KIF4A: variants seen among roughly 807,000 people sequenced by gnomAD.
KIF4A encodes the protein kinesin family member 4A, also known as chromosome-associated kinesin KIF4A.
In KIF4A, 7 loss-of-function variants were observed where a neutral mutation model predicts 105.9. That is an observed-to-expected ratio of 0.07 (90% CI 0.04 to 0.12). The LOEUF (loss-of-function observed/expected upper bound fraction) is 0.12. Among genes scored for constraint, KIF4A ranks in the 10% least tolerant of loss-of-function variants. The pLI is 1.00. For synonymous variants in KIF4A, 281 were observed against 331.3 expected, an observed-to-expected ratio of 0.85 and a Z score of 1.65; for missense variants, 558 against 929.2, an observed-to-expected ratio of 0.60 and a Z score of 5.19.
chrX:70,320,733 C>G (rs1297507387), intron 7 of KIF4A, among the ~76,000 whole-genome samples: 2 of 111,407 alleles, frequency 1.8e-5, no homozygotes, highest in Non-Finnish European at 3.8e-5. Flanking sequence ...TATAAACATA[C>G]AGTTAGATGG....
intron 12 of KIF4A, 27 bp downstream of exon 12, chrX:70,343,788 G>T: frequency 8.4e-7 from 1 of 1,194,811 alleles, no homozygotes; most frequent in Non-Finnish European, 1.1e-6. Flanking sequence ...ATATTTGTTA[G>T]CAACCTATAG....
intron 15 of KIF4A, among the ~76,000 whole-genome samples, chrX:70,362,689 G>C (rs1275567763): frequency 5.5e-5 from 6 of 109,306 alleles, no homozygotes; most frequent in Non-Finnish European, 7.6e-5. Context: ...GTGCCACCAT[G>C]CCTGGCTAAT....
intron 4 of KIF4A, 42 bp from the exon 5 acceptor site, chrX:70,299,071 G>A (rs765735669): frequency 1.8e-6 from 2 of 1,087,437 alleles, no homozygotes; most frequent in South Asian, 2.0e-5. Flanking sequence ...GATTACCACT[G>A]TTAACATCTT....
At chrX:70,324,396 A>G (rs915644608) in intron 7 of KIF4A, among the ~76,000 whole-genome samples, 2 of 112,385 alleles carry the variant, frequency 1.8e-5, no homozygotes, top group African/African-American at 6.5e-5. Context: ...TAGGTATTCT[A>G]TAACTGTTGT....
At chrX:70,382,530 T>G (rs1430495597) in intron 18 of KIF4A, among the ~76,000 whole-genome samples, 1 of 112,350 alleles carries the variant, frequency 8.9e-6, no homozygotes, top group Non-Finnish European at 1.9e-5. Context: ...AAAACATAGG[T>G]GTTAATCTTT....
intron 20 of KIF4A, among the ~76,000 whole-genome samples, chrX:70,388,946 C>T (rs989137181): frequency 3.6e-5 from 4 of 112,152 alleles, no homozygotes; most frequent in African/African-American, 1.3e-4. Flanking sequence ...AAACAGTTTT[C>T]ATATCTTGCT....
Position 70,301,936 on chromosome X carries a change from T to C in KIF4A, c.553T>C (p.Leu185=). ...GLTEKTVLVA[L]DTVSCLEQGN... ...CACTGAGAAGACTGTTTTGGTTGCC[T>C]TGGATACTGTTTCCTGTTTGGAACA... The change falls in exon 6 of 31, where the codon TTG becomes CTG. Residue 185 remains leucine (L), a synonymous_variant. Coordinates refer to ENST00000374403, the MANE Select transcript of KIF4A (RefSeq NM_012310.5). 1 of 1,211,570 alleles carries C rather than the reference T, an allele frequency of 8.3e-7. No homozygotes were observed. The highest frequency in any genetic ancestry group is 1.1e-6 in the Non-Finnish European group (1 of 895,280).
rs758924719 is a variant in KIF4A, at chrX:70,420,457, A to G, written c.*192A>G. 160 of 555,119 alleles carry G rather than the reference A, an allele frequency of 2.9e-4. No individual in the cohort carries two copies. The highest frequency in any genetic ancestry group is 2.3e-3 in the Middle Eastern group (4 of 1,721). 45.7% of individuals were successfully genotyped at this position (555,119 alleles called of 1,213,427 possible). A position where few individuals can be genotyped will look rare whatever the true frequency, so the allele number is the denominator to read the frequency against. ...GCCTCCAGGTCCAGACTACTACTCT[A>G]TGTTCTCCAGAAGGGTGCTAAGTCA... On this transcript the variant is annotated 3_prime_UTR_variant, in exon 31 of 31. Coordinates refer to ENST00000374403, the MANE Select transcript of KIF4A (RefSeq NM_012310.5).
At chrX:70,372,132 C>CG (rs1555951438) in intron 15 of KIF4A, among the ~76,000 whole-genome samples, 2 of 101,682 alleles carry the variant, frequency 2.0e-5, no homozygotes, top group Non-Finnish European at 4.0e-5. Context: ...GGATGGCGGC[C>CG]GGCAGAGACG....
Position 70,395,705 on chromosome X carries a change from G to C in KIF4A, c.2267G>C (p.Ser756Thr), listed in dbSNP as rs1246538902. 1 of 1,209,651 alleles carries C rather than the reference G, an allele frequency of 8.3e-7. No homozygotes were observed. The highest frequency in any genetic ancestry group is 1.1e-6 in the Non-Finnish European group (1 of 895,241). ...WLGNEIEVMVSTEEAKRHLND... is the reference protein window; with the variant it reads ...WLGNEIEVMVTTEEAKRHLND... ...GGAAACGAAATTGAGGTTATGGTCA[G>C]TACTGAGGAAGCCAAACGCCATCTG... The change falls in exon 21 of 31, where the codon AGT becomes ACT. Residue 756 changes from serine (S) to threonine (T), a missense_variant. By Grantham distance (58) the Ser-to-Thr change is moderately conservative. Coordinates refer to ENST00000374403, the MANE Select transcript of KIF4A (RefSeq NM_012310.5).
chrX:70,303,883 G>T (rs2085814121), intron 7 of KIF4A, among the ~76,000 whole-genome samples: 1 of 107,871 alleles, frequency 9.3e-6, no homozygotes, highest in Non-Finnish European at 1.9e-5. Flanking sequence ...CCCTTTCCCT[G>T]GCCCTAGGCA....
At chrX:70,307,562 G>A (rs2085832360) in intron 7 of KIF4A, among the ~76,000 whole-genome samples, 1 of 111,971 alleles carries the variant, frequency 8.9e-6, no homozygotes, top group African/African-American at 3.2e-5. Context: ...TTCAGTCTTT[G>A]TTCTTCATAG....
chrX:70,383,090 G>A (rs2147727363), intron 18 of KIF4A, among the ~76,000 whole-genome samples: 1 of 109,633 alleles, frequency 9.1e-6, no homozygotes, highest in South Asian at 4.0e-4. Context: ...GGGAGGCTGA[G>A]GTAGAAGAAT....
chrX:70,392,918 T>C (rs2086243251), intron 20 of KIF4A, among the ~76,000 whole-genome samples: 1 of 106,752 alleles, frequency 9.4e-6, no homozygotes, highest in African/African-American at 3.4e-5. Context: ...TGGAGTGCAG[T>C]GGCGTGATCT....
chrX:70,294,356 T>G (rs1310082664), intron 3 of KIF4A, among the ~76,000 whole-genome samples: 3 of 112,278 alleles, frequency 2.7e-5, no homozygotes, highest in Non-Finnish European at 5.6e-5. Flanking sequence ...ACAGTTAACT[T>G]TATTTATCAT....
rs143220541 is a variant in KIF4A at position 70,398,043 on chromosome X, A to G, written c.2489+1994A>G. Among the ~76,000 whole-genome samples the G allele has an allele frequency of 1.9e-3, 215 of 111,685 alleles. 5 individuals carry two copies. In the East Asian group the frequency reaches 0.047, roughly 25 times the overall value. ...TTGTTTGTTTGTTTGTTTTTGTTTT[A>G]TGTTTGTTTGTTTTGAGACAAAGTC... is the stretch of plus-strand genomic sequence containing the variant. On this transcript the variant is annotated intron_variant, in intron 22 of 30. Transcript: ENST00000374403.
intron 18 of KIF4A, among the ~76,000 whole-genome samples, chrX:70,378,115 A>G (rs896349285): frequency 5.3e-5 from 6 of 112,363 alleles, no homozygotes; most frequent in Non-Finnish European, 9.4e-5. Flanking sequence ...TGAGATTAAT[A>G]AAAACAAAGA....
chrX:70,358,781 CT>C (rs1281047747), intron 15 of KIF4A, among the ~76,000 whole-genome samples: 1 of 112,457 alleles, frequency 8.9e-6, no homozygotes, highest in African/African-American at 3.2e-5. Context: ...GCATGGATTT[CT>C]CTTAGGCTAG....
intron 7 of KIF4A, among the ~76,000 whole-genome samples, chrX:70,306,203 G>A (rs1192017771): frequency 8.9e-6 from 1 of 112,113 alleles, no homozygotes; most frequent in Non-Finnish European, 1.9e-5. Context: ...GAAGCAACTG[G>A]TCTCTATTCC....
Sources: gnomAD v4.1 joint callset for allele counts (sites outside exome capture counted in the v4.1 genomes callset) on GRCh38, gnomAD v4.1.1 for gene constraint, MANE v1.5 for transcripts, NCBI Gene and HGNC (gene_info 2026-07-23, HGNC 2026-07-21) for gene names.